Variants in TRIM61 observed in about 807,000 individuals in gnomAD.
TRIM61 encodes putative tripartite motif-containing protein 61.
In TRIM61, 1 loss-of-function variant was observed where a neutral mutation model predicts 14.2. That is an observed-to-expected ratio of 0.07 (90% CI 0.03 to 0.33). The LOEUF is 0.33. TRIM61 is among the 10% of genes least tolerant of loss of function. The pLI is 0.99. For synonymous variants in TRIM61, 8 were observed against 71.6 expected, an observed-to-expected ratio of 0.11 and a Z score of 4.49; for missense variants, 19 against 202.2, an observed-to-expected ratio of 0.09 and a Z score of 5.49.
intron 3 of TRIM61, chr4:164,968,632 A>C (rs1732293330): frequency 1.0e-6 from 1 of 985,602 alleles, no homozygotes; most frequent in African/African-American, 1.7e-5. Context: ...GTTTTGAGTC[A>C]GTTCCAGTAT....
chr4:164,962,692 T>TAACA (rs1732162574), intron 3 of TRIM61, among the ~76,000 whole-genome samples: 1 of 139,774 alleles, frequency 7.2e-6, no homozygotes, highest in Non-Finnish European at 1.5e-5. Flanking sequence ...CAAGAAATGT[T>TAACA]AAAAAAAAAA....
chr4:164,969,020 T>C (rs544470227), intron 3 of TRIM61: 3 of 1,043,718 alleles, frequency 2.9e-6, no homozygotes, highest in Admixed American at 1.0e-4. Context: ...TCTTGGGTTA[T>C]GAGGTACATT....
At chr4:164,975,550 A>G (rs1480407808) in intron 2 of TRIM61, among the ~76,000 whole-genome samples, 1 of 152,222 alleles carries the variant, frequency 6.6e-6, no homozygotes, top group Non-Finnish European at 1.5e-5. Flanking sequence ...CATGTGTTGT[A>G]TAAAATCAAG....
intron 3 of TRIM61, among the ~76,000 whole-genome samples, chr4:164,960,517 T>C (rs1280015592): frequency 1.3e-5 from 2 of 150,024 alleles, no homozygotes; most frequent in Non-Finnish European, 3.0e-5. Context: ...ATGGCACCAC[T>C]GCACTCCAAT....
chr4:164,956,933 C>A, intron 3 of TRIM61: 2 of 1,286,340 alleles, frequency 1.6e-6, no homozygotes, highest in Non-Finnish European at 2.1e-6. Context: ...TGGGTGCGGC[C>A]GGCACCGTCT....
chr4:164,972,936 C>T (rs182729136), intron 2 of TRIM61, among the ~76,000 whole-genome samples: 5 of 152,156 alleles, frequency 3.3e-5, no homozygotes, highest in African/African-American at 4.8e-5. Flanking sequence ...CATTCAGAAC[C>T]CTTCGTATTT....
At chr4:164,957,378 G>A (rs1467605053) in intron 3 of TRIM61, 5 of 1,614,012 alleles carry the variant, frequency 3.1e-6, no homozygotes, top group African/African-American at 1.3e-5. Context: ...AAGTCAGAAG[G>A]ACCACCAGGA....
At chr4:164,963,607 G>A (rs1356603870) in intron 3 of TRIM61, among the ~76,000 whole-genome samples, 3 of 152,126 alleles carry the variant, frequency 2.0e-5, no homozygotes, top group African/African-American at 7.2e-5. Flanking sequence ...AGCTAGGCGT[G>A]GTGGTGTGCA....
At position 164,968,271 on chromosome 4, in the gene TRIM61, A is replaced by T; in HGVS notation, c.525+1207T>A. On this transcript the variant is annotated intron_variant, in intron 3 of 4. Coordinates refer to ENST00000329314, the MANE Select transcript of TRIM61 (RefSeq NM_001012414.3). ...ACTTAATCTTTCTTAAAGGAAAAGT[A>T]TATAAGAAATACAGAAAAAAATTAC... 1 of 954,204 alleles carries T rather than the reference A, an allele frequency of 1.0e-6. No individual in the cohort carries two copies. Among genetic ancestry groups the T allele is most frequent in the Non-Finnish European group, 1.2e-6 (1 of 808,836 alleles). 59.1% of individuals were successfully genotyped at this position (954,204 alleles called of 1,614,324 possible). A position where few individuals can be genotyped will look rare whatever the true frequency, so the allele number is the denominator to read the frequency against.
chr4:164,974,522 T>C (rs12507869), intron 2 of TRIM61, among the ~76,000 whole-genome samples: 23,923 of 152,022 alleles, frequency 0.16, 2,741 homozygotes, highest in East Asian at 0.61. Context: ...CCTGTGTATA[T>C]TGTATATCCA....
intron 3 of TRIM61, among the ~76,000 whole-genome samples, chr4:164,963,146 T>C (rs1321591667): frequency 1.3e-5 from 2 of 152,144 alleles, no homozygotes; most frequent in African/African-American, 2.4e-5. Flanking sequence ...TTCAGGAGGC[T>C]GAGGCAGAGA....
chr4:164,955,922 G>A (rs1024726421), intron 3 of TRIM61, among the ~76,000 whole-genome samples: 6 of 152,340 alleles, frequency 3.9e-5, no homozygotes, highest in Non-Finnish European at 7.3e-5. Flanking sequence ...CTGTGAGGAG[G>A]AAGACAAAGG....
At chr4:164,970,566 C>A (rs1251130026) in intron 2 of TRIM61, among the ~76,000 whole-genome samples, 1 of 151,032 alleles carries the variant, frequency 6.6e-6, no homozygotes, top group Non-Finnish European at 1.5e-5. Context: ...GGCAAGTATA[C>A]AACATTGCCT....
chr4:164,957,541 C>A, intron 3 of TRIM61: 1 of 1,543,552 alleles, frequency 6.5e-7, no homozygotes, highest in Non-Finnish European at 8.7e-7. Flanking sequence ...CATCTGACAT[C>A]TGAAACAGCA....
At chr4:164,967,878 G>A (rs899900423) in intron 3 of TRIM61, among the ~76,000 whole-genome samples, 26 of 151,924 alleles carry the variant, frequency 1.7e-4, no homozygotes, top group Middle Eastern at 3.4e-3. Context: ...CTGGCTGGGC[G>A]TGGTGGCTCA....
chr4:164,961,678 A>T (rs1579143752), intron 3 of TRIM61, among the ~76,000 whole-genome samples: 1 of 152,168 alleles, frequency 6.6e-6, no homozygotes, highest in Admixed American at 6.5e-5. Context: ...ATCAAAAAAC[A>T]CACACCAAAA....
chr4:164,963,969 GTATT>G (rs1732187734), intron 3 of TRIM61, among the ~76,000 whole-genome samples: 1 of 151,974 alleles, frequency 6.6e-6, no homozygotes, highest in South Asian at 2.1e-4. Flanking sequence ...AGCTAAAGCA[GTATT>G]TAGAGTGAAA....
chr4:164,961,228 C>T (rs1403651769), intron 3 of TRIM61, among the ~76,000 whole-genome samples: 1 of 107,240 alleles, frequency 9.3e-6, no homozygotes, highest in African/African-American at 3.5e-5. Flanking sequence ...ATGTTAAAGG[C>T]TTTGGCAGAA....
chr4:164,970,631 G>A (rs1732342899), intron 2 of TRIM61, among the ~76,000 whole-genome samples: 1 of 151,926 alleles, frequency 6.6e-6, no homozygotes, highest in Non-Finnish European at 1.5e-5. Flanking sequence ...TCAGATTGTG[G>A]AGCATTCTTA....
Sources: allele counts gnomAD v4.1 joint callset (sites outside exome capture counted in the v4.1 genomes callset), GRCh38; gene constraint gnomAD v4.1.1; transcripts MANE v1.5; gene names NCBI Gene and HGNC (gene_info 2026-07-23, HGNC 2026-07-21).